Variants in CYYR1 observed in about 807,000 individuals in gnomAD.
The protein encoded by CYYR1 is cysteine and tyrosine rich 1.
CYYR1 carries 14 observed loss-of-function variants against 15.2 expected under a neutral mutation model. The ratio of observed to expected loss-of-function variants is 0.92; its 90% CI spans 0.61 to 1.44. CYYR1 has a LOEUF of 1.44. CYYR1 is among the 40% of genes most tolerant of loss of function. The probability of loss-of-function intolerance (pLI) is 0.00; values close to 1 mark genes in which losing one functional copy is unlikely to be tolerated. For missense variants in CYYR1, 228 were observed against 209.5 expected (o/e 1.09, Z -0.54); for synonymous variants, 80 against 77.4 (o/e 1.03, Z -0.18).
At chr21:26,493,127 C>T (rs965488356) in intron 2 of CYYR1, among the ~76,000 whole-genome samples, 2 of 152,010 alleles carry the variant, frequency 1.3e-5, no homozygotes, top group Admixed American at 1.3e-4. Flanking sequence ...GCTTCAGGGA[C>T]CATGAAAAGT....
chr21:26,508,675 T>A (rs1002111244), intron 2 of CYYR1, among the ~76,000 whole-genome samples: 5 of 152,170 alleles, frequency 3.3e-5, no homozygotes, highest in Admixed American at 2.0e-4. Flanking sequence ...ATTCATTCTA[T>A]CATCACTTAG....
chr21:26,482,594 C>A, intron 2 of CYYR1: 1 of 789,058 alleles, frequency 1.3e-6, no homozygotes, highest in Non-Finnish European at 1.5e-6. Flanking sequence ...TCTTAAAAAT[C>A]GACTCAAAGG....
chr21:26,475,515 T>G (rs1016454988), intron 3 of CYYR1, among the ~76,000 whole-genome samples: 1 of 152,178 alleles, frequency 6.6e-6, no homozygotes, highest in Admixed American at 6.6e-5. Context: ...CCCTTCTATC[T>G]TCTGTATTCA....
chr21:26,531,341 T>C (rs2065928230), intron 2 of CYYR1, among the ~76,000 whole-genome samples: 1 of 152,104 alleles, frequency 6.6e-6, no homozygotes, highest in African/African-American at 2.4e-5. Context: ...GTCTATGTCA[T>C]GTACTTTCCC....
intron 2 of CYYR1, among the ~76,000 whole-genome samples, chr21:26,561,917 G>A (rs1470805233): frequency 6.6e-6 from 1 of 152,014 alleles, no homozygotes; most frequent in African/African-American, 2.4e-5. Flanking sequence ...CCACTCAATT[G>A]CACCCTCTAT....
At chr21:26,502,646 T>C (rs2065497327) in intron 2 of CYYR1, among the ~76,000 whole-genome samples, 1 of 152,126 alleles carries the variant, frequency 6.6e-6, no homozygotes, top group South Asian at 2.1e-4. Context: ...GTCTATTTCT[T>C]CTAGAGGACT....
chr21:26,562,683 T>G (rs924621848), intron 2 of CYYR1, among the ~76,000 whole-genome samples: 1 of 151,518 alleles, frequency 6.6e-6, no homozygotes, highest in Non-Finnish European at 1.5e-5. Context: ...AAAACTCTGA[T>G]CAGATTCCAT....
intron 2 of CYYR1, among the ~76,000 whole-genome samples, chr21:26,524,085 G>A (rs1011158500): frequency 3.3e-5 from 5 of 152,144 alleles, no homozygotes; most frequent in Non-Finnish European, 5.9e-5. Context: ...ATATTCATAT[G>A]TGTATATATT....
chr21:26,492,062 T>C (rs1257613381), intron 2 of CYYR1, among the ~76,000 whole-genome samples: 2 of 152,206 alleles, frequency 1.3e-5, no homozygotes, highest in Non-Finnish European at 2.9e-5. Flanking sequence ...CCTGATGTGA[T>C]TGATTGGAGC....
At chr21:26,528,407 T>C (rs1008377732) in intron 2 of CYYR1, among the ~76,000 whole-genome samples, 1 of 151,884 alleles carries the variant, frequency 6.6e-6, no homozygotes, top group African/African-American at 2.4e-5. Flanking sequence ...AAGGAGGGAG[T>C]TCTTGCTCTG....
Position 26,556,799 on chromosome 21 carries a change from A to G in CYYR1, c.176+9467T>C, listed in dbSNP as rs115530701. Among the ~76,000 whole-genome samples, 864 of 152,308 alleles carry G rather than the reference A, an allele frequency of 5.7e-3. 3 individuals carry two copies. Among genetic ancestry groups the G allele is most frequent in the African/African-American group, 0.02 (818 of 41,586 alleles). The stretch of plus-strand genomic sequence containing the variant: ...ACAACACTGAGGATTGCAATTCGAC[A>G]TGAAATTTGGGTAGAGACACAAATC... On this transcript the variant is annotated intron_variant, in intron 2 of 3. Transcript: ENST00000652641.
Position 26,573,215 on chromosome 21 carries a change from G to C in CYYR1, c.-275C>G, listed in dbSNP as rs912460270. The C allele has an allele frequency of 7.0e-6, 10 of 1,427,088 alleles. No homozygotes were observed. Among genetic ancestry groups the C allele is most frequent in the Non-Finnish European group, 6.5e-6 (7 of 1,082,598 alleles). 88.4% of individuals were successfully genotyped at this position (1,427,088 alleles called of 1,614,324 possible). A position where few individuals can be genotyped will look rare whatever the true frequency, so the allele number is the denominator to read the frequency against. Reference sequence around the variant, plus strand: ...GTCTCGCCCCACTGCGCTCAGGCGCGGGGAAGGCGGCCACTCCGGCGTCCT... The same window carrying C: ...GTCTCGCCCCACTGCGCTCAGGCGCCGGGAAGGCGGCCACTCCGGCGTCCT... On this transcript the variant is annotated 5_prime_UTR_variant, in exon 1 of 4. Coordinates refer to ENST00000652641, the MANE Select transcript of CYYR1 (RefSeq NM_001320768.2).
At chr21:26,539,749 G>A (rs1406987087) in intron 2 of CYYR1, among the ~76,000 whole-genome samples, 1 of 152,068 alleles carries the variant, frequency 6.6e-6, no homozygotes, top group African/African-American at 2.4e-5. Flanking sequence ...CTTTTGTCTG[G>A]TATCTTCTTT....
At chr21:26,541,788 G>C (rs1277148082) in intron 2 of CYYR1, among the ~76,000 whole-genome samples, 1 of 152,134 alleles carries the variant, frequency 6.6e-6, no homozygotes, top group East Asian at 1.9e-4. Context: ...GGATTGCAAA[G>C]TTATTACATT....
chr21:26,486,343 C>T (rs1281719407), intron 2 of CYYR1, among the ~76,000 whole-genome samples: 2 of 151,850 alleles, frequency 1.3e-5, no homozygotes, highest in African/African-American at 2.4e-5. Context: ...TTCATGAAGC[C>T]CTAGGTCCTG....
intron 2 of CYYR1, among the ~76,000 whole-genome samples, chr21:26,540,772 C>T (rs1335170021): frequency 6.6e-6 from 1 of 151,872 alleles, no homozygotes; most frequent in African/African-American, 2.4e-5. Flanking sequence ...CAAATTATTC[C>T]ATACATAGTC....
chr21:26,517,580 G>T (rs1317494461), intron 2 of CYYR1, among the ~76,000 whole-genome samples: 1 of 152,172 alleles, frequency 6.6e-6, no homozygotes, highest in East Asian at 1.9e-4. Flanking sequence ...TTTGGAGACA[G>T]AGTCTTGCTT....
At chr21:26,479,709 T>G (rs1321132070) in intron 3 of CYYR1, among the ~76,000 whole-genome samples, 2 of 152,088 alleles carry the variant, frequency 1.3e-5, no homozygotes, top group Non-Finnish European at 1.5e-5. Context: ...ACTGAGTTTC[T>G]CCAAGTTGGC....
intron 2 of CYYR1, among the ~76,000 whole-genome samples, chr21:26,485,175 T>A (rs527372839): frequency 6.6e-6 from 1 of 152,180 alleles, no homozygotes; most frequent in South Asian, 2.1e-4. Context: ...GTTTGCACAT[T>A]TTCCTCTCTC....
Sources: allele counts gnomAD v4.1 joint callset (sites outside exome capture counted in the v4.1 genomes callset), GRCh38; gene constraint gnomAD v4.1.1; transcripts MANE v1.5; gene names NCBI Gene and HGNC (gene_info 2026-07-23, HGNC 2026-07-21).